The following DEPDC5 variants were observed in gnomAD, a reference collection of about 807,000 sequenced individuals.
DEPDC5 encodes GATOR1 complex protein DEPDC5.
A neutral mutation model predicts 217.3 loss-of-function variants in DEPDC5; 73 were observed. The ratio of observed to expected loss-of-function variants is 0.34; its 90% confidence interval spans 0.28 to 0.41. The LOEUF is 0.41. DEPDC5 is among the 10% of genes least tolerant of loss of function. DEPDC5 has a pLI of 1.00. For synonymous variants in DEPDC5, 733 were observed against 756.7 expected, an observed-to-expected ratio of 0.97 and a Z score of 0.51; for missense variants, 1,675 against 2,070.1, an observed-to-expected ratio of 0.81 and a Z score of 3.70.
chr22:31,787,427 T>C (rs2148447909), intron 10 of DEPDC5, among the ~76,000 whole-genome samples: 1 of 152,214 alleles, frequency 6.6e-6, no homozygotes, highest in Admixed American at 6.5e-5. Flanking sequence ...TTCTTAGATA[T>C]AACACCAAAA....
Position 31,874,096 on chromosome 22 carries a change from G to A in DEPDC5, c.3564-177G>A, listed in dbSNP as rs140140131. Reference sequence around the variant, plus strand: ...GCGTGAGCGACCACGCTGGGCCCCCGGTAACAGTTTCTTTTGTCCTCTCAT... The same window carrying A: ...GCGTGAGCGACCACGCTGGGCCCCCAGTAACAGTTTCTTTTGTCCTCTCAT... On this transcript the variant is annotated intron_variant, in intron 35 of 42. Coordinates refer to ENST00000651528, the MANE Select transcript of DEPDC5 (RefSeq NM_001242896.3). 7,606 of 1,025,634 alleles carry A rather than the reference G, an allele frequency of 7.4e-3. 45 individuals carry two copies. The highest frequency in any genetic ancestry group is 0.02 in the South Asian group (1,196 of 59,706). 63.5% of individuals were successfully genotyped at this position (1,025,634 alleles called of 1,614,324 possible). A position where few individuals can be genotyped will look rare whatever the true frequency, so the allele number is the denominator to read the frequency against.
chr22:31,821,398 C>G lies in DEPDC5; in HGVS notation c.1871-104C>G. ...GTGGTGTGTTCTTCTTTCAATCTCACCAACATCTGTATCCCAGTAGCTGGA... is the reference window on the plus strand; with the variant it reads ...GTGGTGTGTTCTTCTTTCAATCTCAGCAACATCTGTATCCCAGTAGCTGGA... On this transcript the variant is annotated intron_variant, in intron 22 of 42. Transcript: ENST00000651528. 5 of 1,486,472 alleles carry G rather than the reference C, an allele frequency of 3.4e-6. No individual in the cohort carries two copies. In the South Asian group the frequency reaches 6.1e-5, roughly 18 times the overall value. The allele number at this position is 1,486,472 out of a possible 1,614,324, so 92.1% of individuals were successfully genotyped here.
rs372816043 is a variant in DEPDC5 at position 31,863,258 on chromosome 22, G to A, written c.3330+1825G>A. ...GTCAGCTCACTGCCACCTCCACCTC[G>A]AAGGTTCAAGCATTTCTCTTGCCTC... On this transcript the variant is annotated intron_variant, in intron 33 of 42. Coordinates refer to ENST00000651528, the MANE Select transcript of DEPDC5 (RefSeq NM_001242896.3). 4.6e-5 allele frequency among the ~76,000 whole-genome samples: 7 copies of A among 152,240 alleles called. No homozygotes were observed. In the East Asian group the frequency reaches 1.2e-3, roughly 25 times the overall value.
At chr22:31,812,963 C>T (rs921332091) in intron 20 of DEPDC5, among the ~76,000 whole-genome samples, 3 of 152,084 alleles carry the variant, frequency 2.0e-5, no homozygotes, top group African/African-American at 7.2e-5. Context: ...TGGTCTCGAA[C>T]TCCCGACCCC....
chr22:31,822,560 C>T, intron 23 of DEPDC5, 133 bp from the exon 24 acceptor site: 1 of 777,128 alleles, frequency 1.3e-6, no homozygotes, highest in East Asian at 2.8e-5. Flanking sequence ...ATTCCAGTGG[C>T]TGCCAGCTTG....
chr22:31,856,232 GAC>G (rs58670229), intron 31 of DEPDC5, among the ~76,000 whole-genome samples: 19 of 143,602 alleles, frequency 1.3e-4, no homozygotes, highest in East Asian at 2.0e-4. Flanking sequence ...CATTGCCTAT[GAC>G]ACACACACAC....
At chr22:31,834,237 C>A in intron 25 of DEPDC5, 1 of 488,714 alleles carries the variant, frequency 2.0e-6, no homozygotes. Context: ...CTATAAGGCC[C>A]CCATGCTGGT....
intron 8 of DEPDC5, among the ~76,000 whole-genome samples, chr22:31,781,423 A>C (rs1268086158): frequency 2.0e-5 from 3 of 150,148 alleles, no homozygotes; most frequent in East Asian, 3.9e-4. Context: ...ACATGAGTTT[A>C]TTTATTTATT....
At chr22:31,881,006 C>A (rs568591582) in intron 38 of DEPDC5, among the ~76,000 whole-genome samples, 399 of 144,806 alleles carry the variant, frequency 2.8e-3, no homozygotes, top group Non-Finnish European at 4.5e-3. Context: ...CAGAATAAGA[C>A]TCCGTCTCAA....
intron 24 of DEPDC5, among the ~76,000 whole-genome samples, chr22:31,827,655 A>AC (rs1322893372): frequency 5.3e-5 from 8 of 151,998 alleles, no homozygotes; most frequent in Admixed American, 1.3e-4. Context: ...TGGCAGATAG[A>AC]CCCCTCATGT....
intron 24 of DEPDC5, chr22:31,823,302 G>A (rs1400892953): frequency 6.5e-6 from 1 of 153,740 alleles, no homozygotes; most frequent in Non-Finnish European, 1.4e-5. Context: ...GCCTGAGGTG[G>A]GTGGATCACT....
At chr22:31,819,394 A>T (rs1370592900) in intron 22 of DEPDC5, among the ~76,000 whole-genome samples, 169 bp downstream of exon 22, 2 of 151,384 alleles carry the variant, frequency 1.3e-5, no homozygotes, top group Non-Finnish European at 2.9e-5. Flanking sequence ...ATCCTTGAAG[A>T]TGCACTTGGG....
intron 22 of DEPDC5, among the ~76,000 whole-genome samples, chr22:31,820,965 T>C (rs2089639229): frequency 6.6e-6 from 1 of 152,258 alleles, no homozygotes; most frequent in South Asian, 2.1e-4. Context: ...CCAGATGCCC[T>C]CTTCCTTCAA....
intron 32 of DEPDC5, 95 bp downstream of exon 32, chr22:31,857,648 G>A (rs1015923660): frequency 9.8e-6 from 10 of 1,019,834 alleles, no homozygotes; most frequent in East Asian, 5.3e-5. Flanking sequence ...GGGATTGCAT[G>A]TGCAGAGGCT....
intron 26 of DEPDC5, among the ~76,000 whole-genome samples, chr22:31,837,553 C>T (rs1203442549): frequency 6.6e-6 from 1 of 151,902 alleles, no homozygotes; most frequent in Non-Finnish European, 1.5e-5. Flanking sequence ...GCTATTTTGC[C>T]ATATTGCCCA....
At chr22:31,814,970 C>T in intron 20 of DEPDC5, 22 bp from the exon 21 acceptor site, 1 of 1,613,606 alleles carries the variant, frequency 6.2e-7, no homozygotes, top group African/African-American at 1.3e-5. Context: ...TTGATGGTAA[C>T]TTTTTGTCTC....
At chr22:31,816,419 C>A (rs1275329206) in intron 21 of DEPDC5, 1 of 148,802 alleles carries the variant, frequency 6.7e-6, no homozygotes, top group Non-Finnish European at 1.5e-5. Context: ...CAGTTTCTTT[C>A]TTTTCTTTTT....
rs567288182 is a variant in DEPDC5 at position 31,776,399 on chromosome 22, A to C, written c.414-1700A>C. Among the ~76,000 whole-genome samples the C allele has an allele frequency of 4.6e-5, 7 of 152,022 alleles. No individual in the cohort carries two copies. In the East Asian group the frequency reaches 1.2e-3, roughly 25 times the overall value. ...AGTGTTGTGATTATAGGTGTGAGTC[A>C]CCGTGCCCGGCCCATTGTCTCATTT... On this transcript the variant is annotated intron_variant, in intron 7 of 42. Coordinates refer to ENST00000651528, the MANE Select transcript of DEPDC5 (RefSeq NM_001242896.3).
At chr22:31,817,798 T>C (rs1252689697) in intron 21 of DEPDC5, among the ~76,000 whole-genome samples, 3 of 150,480 alleles carry the variant, frequency 2.0e-5, no homozygotes, top group Non-Finnish European at 1.5e-5. Flanking sequence ...GTACTCATCT[T>C]TTTTTTTTTA....
Sources: allele counts gnomAD v4.1 joint callset (sites outside exome capture counted in the v4.1 genomes callset), GRCh38; gene constraint gnomAD v4.1.1; transcripts MANE v1.5; gene names NCBI Gene and HGNC (gene_info 2026-07-23, HGNC 2026-07-21).